DPCD: variants seen among roughly 807,000 people sequenced by gnomAD.
DPCD encodes protein DPCD.
DPCD carries 20 observed loss-of-function variants against 26.4 expected under a neutral mutation model. The observed-to-expected ratio is 0.76, with a 90% CI of 0.53 to 1.10. The LOEUF (loss-of-function observed/expected upper bound fraction) is 1.10, where lower values mean the gene tolerates loss of function less well. Ranked by LOEUF, DPCD falls within the 50% of genes least tolerant of loss-of-function variation. The pLI is 0.00. For missense variants in DPCD, 202 were observed against 253.9 expected (o/e 0.80, Z 1.39); for synonymous variants, 97 against 94.2 (o/e 1.03, Z -0.17).
intron 2 of DPCD, among the ~76,000 whole-genome samples, chr10:101,597,156 C>T (rs2134763005): frequency 6.6e-6 from 1 of 152,234 alleles, no homozygotes; most frequent in African/African-American, 2.4e-5. Context: ...AAGGGCAGGC[C>T]ATCCCCCAGC....
chr10:101,608,211 AG>A (rs2063746388), intron 4 of DPCD, among the ~76,000 whole-genome samples: 2 of 152,196 alleles, frequency 1.3e-5, no homozygotes, highest in South Asian at 4.1e-4. Flanking sequence ...GGGCCAGCCA[AG>A]TAGTCCAGAG....
At chr10:101,598,911 C>T (rs377335616) in intron 2 of DPCD, among the ~76,000 whole-genome samples, 3 of 152,276 alleles carry the variant, frequency 2.0e-5, no homozygotes, top group Admixed American at 6.5e-5. Context: ...TGAGCCACCA[C>T]GCCCGGCCTG....
At chr10:101,596,010 A>C (rs1260196243) in intron 2 of DPCD, among the ~76,000 whole-genome samples, 1 of 152,192 alleles carries the variant, frequency 6.6e-6, no homozygotes, top group African/African-American at 2.4e-5. Context: ...ACTCCTCCAC[A>C]CAGAGCAAAT....
At chr10:101,598,227 A>G (rs930356418) in intron 2 of DPCD, among the ~76,000 whole-genome samples, 4 of 151,748 alleles carry the variant, frequency 2.6e-5, no homozygotes, top group African/African-American at 7.3e-5. Context: ...AGCAAGGCCC[A>G]TGACTTACAG....
intron 4 of DPCD, among the ~76,000 whole-genome samples, chr10:101,604,509 G>T (rs2063720460): frequency 6.6e-6 from 1 of 152,220 alleles, no homozygotes; most frequent in South Asian, 2.1e-4. Context: ...GGAATTGATT[G>T]CAGTGTATCA....
intron 4 of DPCD, among the ~76,000 whole-genome samples, chr10:101,605,995 C>T (rs1389622372): frequency 6.6e-6 from 1 of 152,148 alleles, no homozygotes; most frequent in Non-Finnish European, 1.5e-5. Flanking sequence ...GAACCTGGCA[C>T]AGAATAAGCT....
chr10:101,604,724 C>G (rs1395404387), intron 4 of DPCD, among the ~76,000 whole-genome samples: 1 of 152,222 alleles, frequency 6.6e-6, no homozygotes, highest in Admixed American at 6.5e-5. Context: ...GCCTCTGCCA[C>G]TGTTAGCTGT....
At chr10:101,605,226 G>A in intron 4 of DPCD, 1 of 1,549,780 alleles carries the variant, frequency 6.5e-7, no homozygotes, top group Non-Finnish European at 8.7e-7. Flanking sequence ...TGTGAGGCAT[G>A]ACCCAAGTGA....
chr10:101,608,057 A>G (rs2063745017), intron 4 of DPCD, among the ~76,000 whole-genome samples: 1 of 152,080 alleles, frequency 6.6e-6, no homozygotes. Context: ...TTTCCTGCAA[A>G]GTCTAGTTAT....
intron 4 of DPCD, among the ~76,000 whole-genome samples, chr10:101,608,290 T>A (rs1466357986): frequency 2.0e-5 from 3 of 152,200 alleles, no homozygotes; most frequent in Non-Finnish European, 2.9e-5. Flanking sequence ...GATATACTTT[T>A]CCCTCTGGCC....
chr10:101,608,641 A>G (rs947716739), intron 4 of DPCD, among the ~76,000 whole-genome samples, 194 bp from the exon 5 acceptor site: 4 of 152,220 alleles, frequency 2.6e-5, no homozygotes, highest in African/African-American at 7.2e-5. Flanking sequence ...TGGACTGGAC[A>G]TAAGGCTTGC....
intron 1 of DPCD, among the ~76,000 whole-genome samples, chr10:101,591,154 G>C (rs2063604148): frequency 6.6e-6 from 1 of 152,168 alleles, no homozygotes; most frequent in Non-Finnish European, 1.5e-5. Context: ...TCAAAATTTT[G>C]CTCCTTTTTA....
chr10:101,592,067 T>G (rs1031952927), intron 1 of DPCD, among the ~76,000 whole-genome samples: 5 of 151,708 alleles, frequency 3.3e-5, no homozygotes, highest in African/African-American at 1.2e-4. Context: ...AAAAATATAC[T>G]AATATACTTA....
intron 1 of DPCD, among the ~76,000 whole-genome samples, chr10:101,592,366 A>G (rs1215086420): frequency 6.6e-6 from 1 of 151,498 alleles, no homozygotes; most frequent in African/African-American, 2.4e-5. Flanking sequence ...ACTCCAGCCT[A>G]GGGAACATAG....
chr10:101,597,659 TG>T (rs1160331796), intron 2 of DPCD, among the ~76,000 whole-genome samples: 3 of 152,238 alleles, frequency 2.0e-5, no homozygotes, highest in Non-Finnish European at 4.4e-5. Flanking sequence ...AAGGTCTGGC[TG>T]GGGCTCAGCT....
Position 101,609,552 on chromosome 10 carries a change from C to T in DPCD, c.*81C>T, listed in dbSNP as rs2063761669. 2 of 1,279,358 alleles carry T rather than the reference C, an allele frequency of 1.6e-6. No individual in the cohort carries two copies. The highest frequency in any genetic ancestry group is 2.9e-5 in the African/African-American group (2 of 68,134). The allele number at this position is 1,279,358 out of a possible 1,614,324, so 79.3% of individuals were successfully genotyped here. A position where few individuals can be genotyped will look rare whatever the true frequency, so the allele number is the denominator to read the frequency against. ...TGGCCCTTCTTGACCACGGCAGCCTCCTGTCTTCTAGGAGCTATCAAGGGT... is the reference window on the plus strand; with the variant it reads ...TGGCCCTTCTTGACCACGGCAGCCTTCTGTCTTCTAGGAGCTATCAAGGGT... On this transcript the variant is annotated 3_prime_UTR_variant, in exon 6 of 6. Transcript: ENST00000370151.
At position 101,601,123 on chromosome 10, in the gene DPCD, T is replaced by G. The variant is rs542100874; in HGVS notation, c.271-80T>G. 6.0e-5 allele frequency: 95 copies of G among 1,585,546 alleles called. No individual in the cohort carries two copies. The African/African-American group carries it at 1.2e-3, about 20-fold the overall frequency. On this transcript the variant is annotated intron_variant, in intron 3 of 5. Coordinates refer to ENST00000370151, the MANE Select transcript of DPCD (RefSeq NM_015448.3). ...TGGAGAAGAGCTGAGGGTCTTGTTG[T>G]GCCCCGGGGTAGCGCTCTGATGAGG... is the stretch of plus-strand genomic sequence containing the variant.
chr10:101,599,740 T>A lies in DPCD; in HGVS notation c.146-998T>A, dbSNP rs371648067. ...CAGAAACAACTGTAACTGAGTACTG[T>A]GCACTTTTTGAGTTGTTTAGCTCCT... On this transcript the variant is annotated intron_variant, in intron 2 of 5. Transcript: ENST00000370151. Among the ~76,000 whole-genome samples, 5 of 152,326 alleles carry A rather than the reference T, an allele frequency of 3.3e-5. No individual in the cohort carries two copies. In the East Asian group the frequency reaches 9.6e-4, roughly 29 times the overall value.
chr10:101,608,924 C>T lies in DPCD; in HGVS notation c.494C>T (p.Thr165Ile), dbSNP rs1321161805. The T allele has an allele frequency of 6.2e-7, 1 of 1,612,848 alleles. No homozygotes were observed. Among genetic ancestry groups the T allele is most frequent in the Non-Finnish European group, 8.5e-7 (1 of 1,179,200 alleles). The part of the protein sequence containing the change: ...ALLSFAHANC[T>I]LIISYQKPKE... ...CTGAGCTTTGCCCACGCCAACTGCA[C>T]CCTGATCATCTCTGTAAGATTCACC... is the stretch of plus-strand genomic sequence containing the variant. Residue 165 changes from threonine to isoleucine, a missense_variant, in exon 5 of 6, where the codon ACC becomes ATC. Transcript: ENST00000370151.
Sources: allele counts gnomAD v4.1 joint callset (sites outside exome capture counted in the v4.1 genomes callset), GRCh38; gene constraint gnomAD v4.1.1; transcripts MANE v1.5; gene names NCBI Gene and HGNC (gene_info 2026-07-23, HGNC 2026-07-21).